GNAO1: variants seen among roughly 807,000 people sequenced by gnomAD.
GNAO1 encodes guanine nucleotide-binding protein G(o) subunit alpha.
For synonymous variants in GNAO1, 164 were observed against 180.7 expected (o/e 0.91, Z 0.74); for missense variants, 166 against 478.7 (o/e 0.35, Z 6.10).
chr16:56,324,280 G>A (rs2037607446), intron 3 of GNAO1, among the ~76,000 whole-genome samples: 1 of 152,202 alleles, frequency 6.6e-6, no homozygotes, highest in Non-Finnish European at 1.5e-5. Context: ...TACAAAGCCT[G>A]TTGTGGCTCC....
chr16:56,240,956 G>A (rs952173233), intron 2 of GNAO1, among the ~76,000 whole-genome samples: 2 of 152,226 alleles, frequency 1.3e-5, no homozygotes, highest in African/African-American at 4.8e-5. Flanking sequence ...AGGCCAGGAT[G>A]CCTCCACAGG....
intron 2 of GNAO1, among the ~76,000 whole-genome samples, chr16:56,235,956 A>G (rs953945698): frequency 2.2e-4 from 33 of 152,168 alleles, no homozygotes; most frequent in Admixed American, 2.0e-3. Flanking sequence ...TGAAATTTTC[A>G]CAAAGGGGGA....
intron 2 of GNAO1, among the ~76,000 whole-genome samples, chr16:56,232,356 A>G (rs2036597032): frequency 6.6e-6 from 1 of 152,106 alleles, no homozygotes; most frequent in Admixed American, 6.6e-5. Context: ...TGAGTCAGGC[A>G]TTTCCCAGGT....
At position 56,336,799 on chromosome 16, in the gene GNAO1, C is replaced by T; in HGVS notation, c.662C>T (p.Ala221Val). Residue 221 changes from alanine (A) to valine (V), a missense_variant, in exon 6 of 9, where the codon GCC becomes GTC. By Grantham distance (64) the Ala-to-Val change is moderately conservative. Transcript: ENST00000262493. ...KWIHCFEDVT[A>V]IIFCVALSGY... ...ATCCATTGCTTCGAGGACGTCACGG[C>T]CATCATTTTCTGTGTCGCGCTCAGC... is the stretch of plus-strand genomic sequence containing the variant. 6.2e-7 allele frequency: 1 copy of T among 1,613,736 alleles called. No individual in the cohort carries two copies. Among genetic ancestry groups the T allele is most frequent in the Non-Finnish European group, 8.5e-7 (1 of 1,179,948 alleles).
intron 3 of GNAO1, among the ~76,000 whole-genome samples, chr16:56,284,669 C>G (rs1009673710): frequency 4.6e-5 from 7 of 152,160 alleles, no homozygotes; most frequent in African/African-American, 7.2e-5. Flanking sequence ...TTGTCTTACC[C>G]TTGGGGCCAG....
chr16:56,244,926 A>G (rs1159378141), intron 2 of GNAO1, among the ~76,000 whole-genome samples: 1 of 152,124 alleles, frequency 6.6e-6, no homozygotes, highest in East Asian at 1.9e-4. Flanking sequence ...GGAGCTCTGA[A>G]AATAAACCAG....
intron 4 of GNAO1, among the ~76,000 whole-genome samples, chr16:56,330,345 C>T (rs1032128835): frequency 3.4e-4 from 51 of 152,164 alleles, no homozygotes; most frequent in African/African-American, 1.2e-3. Context: ...CCAGGGCCTC[C>T]TCCCCGAGGG....
At chr16:56,215,361 C>T (rs1173008101) in intron 2 of GNAO1, among the ~76,000 whole-genome samples, 1 of 152,232 alleles carries the variant, frequency 6.6e-6, no homozygotes, top group Admixed American at 6.5e-5. Flanking sequence ...ACTACCAGAA[C>T]AGAATAGTCT....
At chr16:56,194,187 C>T (rs1283448550) in intron 2 of GNAO1, 1 of 456,338 alleles carries the variant, frequency 2.2e-6, no homozygotes, top group Non-Finnish European at 4.4e-6. Flanking sequence ...CTTCGCAGAG[C>T]CCCCCTTGGC....
At chr16:56,227,757 C>T (rs1195463979) in intron 2 of GNAO1, among the ~76,000 whole-genome samples, 1 of 150,688 alleles carries the variant, frequency 6.6e-6, no homozygotes, top group African/African-American at 2.4e-5. Context: ...GCAATCCCAC[C>T]TCTTTCCCTG....
At chr16:56,328,424 TGTG>T (rs750632466) in intron 3 of GNAO1, among the ~76,000 whole-genome samples, 36 of 152,264 alleles carry the variant, frequency 2.4e-4, no homozygotes, top group Non-Finnish European at 3.8e-4. Flanking sequence ...AGGACATCCA[TGTG>T]GTAGAAGGCC....
intron 6 of GNAO1, among the ~76,000 whole-genome samples, chr16:56,338,501 G>A (rs1047132532): frequency 7.9e-4 from 120 of 152,344 alleles, no homozygotes; most frequent in Non-Finnish European, 7.6e-4. Context: ...TGCTATTACG[G>A]CCACTGCTCC....
intron 2 of GNAO1, among the ~76,000 whole-genome samples, chr16:56,227,687 CAAAAAAA>C (rs386384777): frequency 4.8e-4 from 30 of 61,954 alleles, no homozygotes; most frequent in South Asian, 2.3e-3. Context: ...GACCCTGTCT[CAAAAAAA>C]AAAAAAAAAA....
chr16:56,298,927 A>G (rs1164042722), intron 3 of GNAO1, among the ~76,000 whole-genome samples: 1 of 152,074 alleles, frequency 6.6e-6, no homozygotes, highest in Non-Finnish European at 1.5e-5. Flanking sequence ...AAAAAAAAAA[A>G]AAAGGGTTAA....
At chr16:56,213,656 CAGGG>C (rs371864299) in intron 2 of GNAO1, among the ~76,000 whole-genome samples, 11 of 152,144 alleles carry the variant, frequency 7.2e-5, no homozygotes, top group African/African-American at 2.7e-4. Flanking sequence ...TTTAAGTCGT[CAGGG>C]AGGGCCATAC....
chr16:56,301,635 T>C (rs2037344804), intron 3 of GNAO1: 1 of 152,248 alleles, frequency 6.6e-6, no homozygotes, highest in Admixed American at 6.5e-5. Context: ...TTTTTTTGTT[T>C]TGTTTTGGTG....
intron 2 of GNAO1, among the ~76,000 whole-genome samples, chr16:56,218,934 A>G (rs1263900740): frequency 6.6e-6 from 1 of 151,950 alleles, no homozygotes; most frequent in South Asian, 2.1e-4. Context: ...TGCTCCTTCT[A>G]TTATCTTTTC....
At chr16:56,288,653 G>A (rs2037197599) in intron 3 of GNAO1, among the ~76,000 whole-genome samples, 1 of 152,218 alleles carries the variant, frequency 6.6e-6, no homozygotes, top group Non-Finnish European at 1.5e-5. Flanking sequence ...GTGGGGGCCG[G>A]TCTTCCCTTT....
chr16:56,246,662 G>A (rs1439851620), intron 2 of GNAO1, among the ~76,000 whole-genome samples: 2 of 152,078 alleles, frequency 1.3e-5, no homozygotes, highest in Non-Finnish European at 1.5e-5. Context: ...TCCCCACAGC[G>A]CCCTGCTGTG....
Sources: allele counts gnomAD v4.1 joint callset (sites outside exome capture counted in the v4.1 genomes callset), GRCh38; gene constraint gnomAD v4.1.1; transcripts MANE v1.5; gene names NCBI Gene and HGNC (gene_info 2026-07-23, HGNC 2026-07-21).